Variants in FAM120B observed in about 807,000 individuals in gnomAD.
The protein encoded by FAM120B is constitutive coactivator of peroxisome proliferator-activated receptor gamma.
A neutral mutation model predicts 96.3 loss-of-function variants in FAM120B; 83 were observed. That is an observed-to-expected ratio of 0.86 (90% CI 0.72 to 1.03). The LOEUF is 1.03. Ranked by LOEUF, FAM120B falls within the 50% of genes least tolerant of loss-of-function variation. FAM120B has a pLI of 0.00. For synonymous variants in FAM120B, 407 were observed against 402.7 expected (o/e 1.01, Z -0.13); for missense variants, 1,027 against 1,121.2 (o/e 0.92, Z 1.20).
chr6:170,386,594 A>G (rs1377264183), intron 6 of FAM120B, among the ~76,000 whole-genome samples: 1 of 152,244 alleles, frequency 6.6e-6, no homozygotes, highest in Non-Finnish European at 1.5e-5. Flanking sequence ...TACTGAAGAC[A>G]TTGAATCTGA....
At chr6:170,296,760 TG>T (rs993671650) in intron 1 of FAM120B, among the ~76,000 whole-genome samples, 13 of 151,122 alleles carry the variant, frequency 8.6e-5, no homozygotes, top group Non-Finnish European at 1.9e-4. Context: ...CCGCGCGGGG[TG>T]GGGGTCTCCG....
At chr6:170,314,515 G>A (rs1784777758) in intron 1 of FAM120B, among the ~76,000 whole-genome samples, 1 of 152,048 alleles carries the variant, frequency 6.6e-6, no homozygotes, top group African/African-American at 2.4e-5. Context: ...AATAACTTCT[G>A]TTTTCTTTCT....
chr6:170,397,871 G>A (rs901332978), intron 9 of FAM120B, among the ~76,000 whole-genome samples: 2 of 152,206 alleles, frequency 1.3e-5, no homozygotes, highest in South Asian at 2.1e-4. Context: ...TGGCAGGGGA[G>A]GGAAGAGCCA....
In FAM120B at chr6:170,318,084, G is replaced by A. The variant is rs765804153; in HGVS notation, c.694G>A (p.Asp232Asn). The A allele has an allele frequency of 1.3e-5, 21 of 1,614,066 alleles. No individual in the cohort carries two copies. The highest frequency in any genetic ancestry group is 5.5e-5 in the South Asian group (5 of 91,092). Reference sequence around the variant, plus strand: ...TCTTCTGGCCTGCCTCCTTGGCAACGACATAATCCCAGAGGGCATGTTTGA... The same window carrying A: ...TCTTCTGGCCTGCCTCCTTGGCAACAACATAATCCCAGAGGGCATGTTTGA... ...LPLLACLLGN[D>N]IIPEGMFESF... is the part of the protein sequence containing the mutation. The change falls in exon 2 of 11, where the codon GAC becomes AAC. Residue 232 changes from aspartate to asparagine, a missense_variant. By Grantham distance (23) the Asp-to-Asn change is conservative (BLOSUM62 1). Transcript: ENST00000476287.
At chr6:170,361,248 ATATATACGTG>A (rs1158219549) in intron 6 of FAM120B, among the ~76,000 whole-genome samples, 14 of 140,136 alleles carry the variant, frequency 1.0e-4, no homozygotes, top group Non-Finnish European at 1.8e-4. Flanking sequence ...ACGTATATAT[ATATATACGTG>A]TATATATATA....
upstream of FAM120B, among the ~76,000 whole-genome samples, chr6:170,302,937 T>C (rs1284826777): frequency 6.6e-6 from 1 of 152,104 alleles, no homozygotes; most frequent in African/African-American, 2.4e-5. Flanking sequence ...ATTTGACTTT[T>C]CCTTCCCTTT....
intron 5 of FAM120B, among the ~76,000 whole-genome samples, chr6:170,356,926 T>G (rs543849986): frequency 1.5e-3 from 223 of 152,260 alleles, no homozygotes; most frequent in African/African-American, 5.1e-3. Flanking sequence ...GGAATAAAAG[T>G]GGACTAGGAT....
In FAM120B at chr6:170,310,109, A is replaced by G. The variant is rs138264332; in HGVS notation, c.-22+3267A>G. ...CAAAGTTTCTATATTTTTCTCTACT[A>G]TGGGTTTAGGAGCTAATTGTTAGAA... On this transcript the variant is annotated intron_variant, in intron 1 of 10. Coordinates refer to ENST00000476287, the MANE Select transcript of FAM120B (RefSeq NM_032448.3). 1.4e-4 allele frequency among the ~76,000 whole-genome samples: 21 copies of G among 152,130 alleles called. No homozygotes were observed. The East Asian group carries it at 2.7e-3, about 20-fold the overall frequency.
chr6:170,391,218 A>G (rs889476036), intron 8 of FAM120B, 97 bp downstream of exon 8: 3 of 837,076 alleles, frequency 3.6e-6, no homozygotes, highest in Non-Finnish European at 6.0e-6. Flanking sequence ...AGAGGCTGAT[A>G]TAATTGGATG....
intron 6 of FAM120B, among the ~76,000 whole-genome samples, chr6:170,377,043 G>A (rs1442066871): frequency 7.0e-6 from 1 of 143,218 alleles, no homozygotes; most frequent in Non-Finnish European, 1.5e-5. Flanking sequence ...CTGTGCACAC[G>A]CGTCCCTAAA....
rs777261708 is a variant in FAM120B, at chr6:170,348,169, A to G, written c.2036A>G (p.Lys679Arg). 6.2e-7 allele frequency: 1 copy of G among 1,613,554 alleles called. No individual in the cohort carries two copies. Among genetic ancestry groups the G allele is most frequent in the Admixed American group, 1.7e-5 (1 of 59,904 alleles). The change falls in exon 5 of 11, where the codon AAA becomes AGA. Residue 679 changes from lysine (K) to arginine (R), a missense_variant. Physicochemically the swap from Lys to Arg is conservative, Grantham distance 26 (BLOSUM62 2). Coordinates refer to ENST00000476287, the MANE Select transcript of FAM120B (RefSeq NM_032448.3). ...TAACTAGGGGGAACGCCTAGTTTGA[A>G]AATATTATGGCTGAACCAAGAGCCA... ...MTIPGGTPSL[K>R]ILWLNQEPEI...
chr6:170,382,514 A>T (rs1789969928), intron 6 of FAM120B, among the ~76,000 whole-genome samples: 1 of 152,274 alleles, frequency 6.6e-6, no homozygotes, highest in Non-Finnish European at 1.5e-5. Flanking sequence ...TAATGAACAT[A>T]TGGAAACCTA....
At chr6:170,378,975 A>G (rs1209231943) in intron 6 of FAM120B, among the ~76,000 whole-genome samples, 1 of 152,246 alleles carries the variant, frequency 6.6e-6, no homozygotes, top group Non-Finnish European at 1.5e-5. Flanking sequence ...AGGAGGAGCA[A>G]GGGACGGGGC....
upstream of FAM120B, among the ~76,000 whole-genome samples, chr6:170,305,277 CCTT>C (rs1295071978): frequency 6.6e-6 from 1 of 152,216 alleles, no homozygotes; most frequent in Non-Finnish European, 1.5e-5. Context: ...GATGAGCACT[CCTT>C]AAGACTAGAG....
chr6:170,360,479 G>C (rs1274659525), intron 6 of FAM120B, among the ~76,000 whole-genome samples: 1 of 152,142 alleles, frequency 6.6e-6, no homozygotes, highest in Non-Finnish European at 1.5e-5. Context: ...CTTTCCATGA[G>C]AAAGACATGA....
At chr6:170,395,219 C>T (rs994533753) in intron 8 of FAM120B, among the ~76,000 whole-genome samples, 10 of 152,110 alleles carry the variant, frequency 6.6e-5, no homozygotes, top group Non-Finnish European at 8.8e-5. Flanking sequence ...GGTTGGGCTG[C>T]TCAAGTCTTT....
intron 8 of FAM120B, among the ~76,000 whole-genome samples, chr6:170,394,938 A>G (rs1321533722): frequency 2.0e-5 from 3 of 152,252 alleles, no homozygotes; most frequent in African/African-American, 4.8e-5. Context: ...GTGGAGCACC[A>G]TGGACTATCA....
chr6:170,385,856 TAAGTGACAGAAGCC>T (rs1263951460), intron 6 of FAM120B, among the ~76,000 whole-genome samples: 2 of 152,216 alleles, frequency 1.3e-5, no homozygotes, highest in Non-Finnish European at 1.5e-5. Flanking sequence ...TGCATGTTAC[TAAGTGACAGAAGCC>T]AATCTGAAAA....
intron 5 of FAM120B, among the ~76,000 whole-genome samples, chr6:170,351,723 T>C (rs1787594862): frequency 2.6e-5 from 4 of 152,198 alleles, no homozygotes. Context: ...AAGATCCTTT[T>C]CAGACAAGCA....
Sources: allele counts gnomAD v4.1 joint callset (sites outside exome capture counted in the v4.1 genomes callset), GRCh38; gene constraint gnomAD v4.1.1; transcripts MANE v1.5; gene names NCBI Gene and HGNC (gene_info 2026-07-23, HGNC 2026-07-21).